Variants in WDR64 observed in about 807,000 individuals in gnomAD.
WDR64 encodes the protein WD repeat domain 64, also known as WD repeat-containing protein 64.
Under a neutral mutation model 139.3 loss-of-function variants are expected in WDR64, and 112 were observed. That is an observed-to-expected ratio of 0.80 (90% CI 0.69 to 0.94). The LOEUF is 0.94. Among genes scored for constraint, WDR64 ranks in the 40% least tolerant of loss-of-function variants. The pLI, the probability that WDR64 is intolerant of heterozygous loss-of-function variation, is 0.00. For missense variants in WDR64, 1,206 were observed against 1,293.1 expected (o/e 0.93, Z 1.03); for synonymous variants, 444 against 437.7 (o/e 1.01, Z -0.18).
At chr1:241,756,956 A>C (rs1446876137) in intron 14 of WDR64, among the ~76,000 whole-genome samples, 2 of 152,212 alleles carry the variant, frequency 1.3e-5, no homozygotes, top group African/African-American at 4.8e-5. Context: ...TGAAATAAGA[A>C]AGTTGAAGAA....
At chr1:241,679,983 C>T (rs1331857448) in intron 6 of WDR64, among the ~76,000 whole-genome samples, 5 of 152,160 alleles carry the variant, frequency 3.3e-5, no homozygotes, top group Admixed American at 3.3e-4. Context: ...CCGGCAAAAA[C>T]ATCTAATGAG....
chr1:241,765,482 G>C (rs1456629891), intron 15 of WDR64, among the ~76,000 whole-genome samples: 1 of 152,100 alleles, frequency 6.6e-6, no homozygotes, highest in South Asian at 2.1e-4. Context: ...AAGAAAAGTC[G>C]CAGAGACACA....
intron 15 of WDR64, among the ~76,000 whole-genome samples, chr1:241,760,320 A>T (rs1029048303): frequency 2.0e-5 from 3 of 151,366 alleles, no homozygotes; most frequent in Non-Finnish European, 2.9e-5. Flanking sequence ...GTAGTGCTGC[A>T]ACAAATAGCC....
rs942021266 is a variant in WDR64, at chr1:241,801,245, A to G, written c.*30A>G. On this transcript the variant is annotated 3_prime_UTR_variant, in exon 28 of 28. Coordinates refer to ENST00000437684, the MANE Select transcript of WDR64 (RefSeq NM_001367482.1). ...AAAAAATCAGAAATGGCTGCTGCAC[A>G]TAAAATGGCAACGTTTGGATGATAC... 2 of 1,588,856 alleles carry G rather than the reference A, an allele frequency of 1.3e-6. No homozygotes were observed. The highest frequency in any genetic ancestry group is 1.7e-5 in the Admixed American group (1 of 59,838).
chr1:241,762,172 C>A (rs1657941891), intron 15 of WDR64, among the ~76,000 whole-genome samples: 1 of 151,490 alleles, frequency 6.6e-6, no homozygotes, highest in Non-Finnish European at 1.5e-5. Flanking sequence ...ACTTGAAGGT[C>A]AAAATTTCCC....
At chr1:241,748,456 C>G (rs1391999380) in intron 13 of WDR64, among the ~76,000 whole-genome samples, 1 of 152,176 alleles carries the variant, frequency 6.6e-6, no homozygotes, top group African/African-American at 2.4e-5. Context: ...AGGGGCAAGG[C>G]AGATCCTTGG....
intron 10 of WDR64, among the ~76,000 whole-genome samples, chr1:241,724,799 T>A (rs535564700): frequency 6.1e-4 from 93 of 152,322 alleles, no homozygotes; most frequent in African/African-American, 2.2e-3. Flanking sequence ...CTACCATTTA[T>A]TGAGTGCTTA....
At chr1:241,717,812 T>G (rs1022334105) in intron 9 of WDR64, among the ~76,000 whole-genome samples, 6 of 152,148 alleles carry the variant, frequency 3.9e-5, no homozygotes, top group African/African-American at 1.4e-4. Context: ...GGGATCATAT[T>G]TCATATATCT....
chr1:241,712,222 A>T (rs1286611857), intron 9 of WDR64, among the ~76,000 whole-genome samples: 1 of 152,006 alleles, frequency 6.6e-6, no homozygotes, highest in Non-Finnish European at 1.5e-5. Context: ...CCCGGCACTT[A>T]TGTGTGTGCG....
At chr1:241,736,415 TAAAA>T (rs59588872) in intron 10 of WDR64, among the ~76,000 whole-genome samples, 2 of 134,656 alleles carry the variant, frequency 1.5e-5, no homozygotes, top group East Asian at 2.1e-4. Context: ...TGGAAGAGTT[TAAAA>T]AAAAAAAAAA....
chr1:241,721,593 GAGTT>G (rs150922087), intron 9 of WDR64, among the ~76,000 whole-genome samples: 9,034 of 151,936 alleles, frequency 0.059, 411 homozygotes, highest in East Asian at 0.15. Context: ...TAATCTTTGG[GAGTT>G]AGTTTCTTTC....
chr1:241,756,781 G>A (rs1670207625), intron 14 of WDR64, among the ~76,000 whole-genome samples: 1 of 152,180 alleles, frequency 6.6e-6, no homozygotes, highest in Non-Finnish European at 1.5e-5. Flanking sequence ...TGTGCCACCT[G>A]TCTGTAAAGG....
rs1203955798 is a variant in WDR64 at position 241,772,801 on chromosome 1, C to G, written c.2300C>G (p.Thr767Arg). ...TTAATTTCTCGAATAGGTGAACAAA[C>G]AGATGTAATGGTGGGAAAGCAACAG... ...IHDSEVKGEQ[T>R]DVMVGKQQPM... Residue 767 changes from threonine (T) to arginine (R), a missense_variant, in exon 20 of 28, where the codon ACA (threonine) becomes AGA (arginine). By Grantham distance (71) the Thr-to-Arg change is moderately conservative. Coordinates refer to ENST00000437684, the MANE Select transcript of WDR64 (RefSeq NM_001367482.1). The G allele has an allele frequency of 1.3e-6, 2 of 1,551,680 alleles. No homozygotes were observed. The highest frequency in any genetic ancestry group is 2.4e-5 in the East Asian group (1 of 40,914).
intron 24 of WDR64, 115 bp from the exon 25 acceptor site, chr1:241,790,476 G>A: frequency 2.5e-6 from 2 of 804,490 alleles, no homozygotes; most frequent in South Asian, 3.7e-5. Flanking sequence ...CATTGGGACT[G>A]ATGCCATAGG....
chr1:241,759,664 C>T (rs532675813), intron 15 of WDR64, among the ~76,000 whole-genome samples: 1 of 151,520 alleles, frequency 6.6e-6, no homozygotes, highest in South Asian at 2.1e-4. Context: ...TTCTGGAGAC[C>T]ATTATAAGCA....
intron 1 of WDR64, among the ~76,000 whole-genome samples, chr1:241,655,108 G>C (rs1665529092): frequency 6.6e-6 from 1 of 152,214 alleles, no homozygotes; most frequent in Non-Finnish European, 1.5e-5. Context: ...TTCTTGGCCA[G>C]GCGCGGTGGC....
intron 8 of WDR64, among the ~76,000 whole-genome samples, chr1:241,692,268 A>G (rs1667331846): frequency 1.3e-5 from 2 of 152,230 alleles, no homozygotes; most frequent in Non-Finnish European, 2.9e-5. Context: ...CCCAAAATTC[A>G]GGAAGTTATT....
intron 7 of WDR64, among the ~76,000 whole-genome samples, chr1:241,684,715 A>G (rs190733296): frequency 8.9e-4 from 135 of 152,282 alleles, no homozygotes; most frequent in Non-Finnish European, 1.4e-3. Flanking sequence ...TGGTATCCCT[A>G]TCTTCAAAAA....
At chr1:241,718,998 T>C (rs1668506976) in intron 9 of WDR64, among the ~76,000 whole-genome samples, 1 of 152,106 alleles carries the variant, frequency 6.6e-6, no homozygotes. Flanking sequence ...AGGGCTTCAA[T>C]ATATAAATTT....
Sources: allele counts gnomAD v4.1 joint callset (sites outside exome capture counted in the v4.1 genomes callset), GRCh38; gene constraint gnomAD v4.1.1; transcripts MANE v1.5; gene names NCBI Gene and HGNC (gene_info 2026-07-23, HGNC 2026-07-21).